Variants in SMAD3 observed in about 807,000 individuals in gnomAD.
The protein encoded by SMAD3 is SMAD family member 3, also known as MAD homolog 3.
Under a neutral mutation model 51.8 loss-of-function variants are expected in SMAD3, and 12 were observed. The observed-to-expected ratio is 0.23, with a 90% CI of 0.15 to 0.38. The LOEUF is 0.38. Among genes scored for constraint, SMAD3 ranks in the 10% least tolerant of loss-of-function variants. The pLI is 1.00. For missense variants in SMAD3, 294 were observed against 565.6 expected, an observed-to-expected ratio of 0.52 and a Z score of 4.87; for synonymous variants, 238 against 227.7, an observed-to-expected ratio of 1.05 and a Z score of -0.41.
intron 1 of SMAD3, 74 bp from the exon 2 acceptor site, chr15:67,164,821 T>A: frequency 6.7e-7 from 1 of 1,487,226 alleles, no homozygotes; most frequent in Non-Finnish European, 9.4e-7. Flanking sequence ...TGTCTGAAAG[T>A]AGGAGGCCGG....
intron 1 of SMAD3, among the ~76,000 whole-genome samples, chr15:67,107,575 G>A (rs115729362): frequency 1.4e-3 from 218 of 152,258 alleles, no homozygotes; most frequent in African/African-American, 4.8e-3. Context: ...GGCTTCCCCC[G>A]GCCCTTCCCG....
intron 8 of SMAD3, among the ~76,000 whole-genome samples, chr15:67,188,148 C>CTTTTT (rs11367565): frequency 1.2e-3 from 137 of 115,716 alleles, no homozygotes; most frequent in East Asian, 4.4e-3. Flanking sequence ...TTTTCTTTTT[C>CTTTTT]TTTTTTTTTT....
At chr15:67,125,316 A>G (rs1407273941) in intron 1 of SMAD3, among the ~76,000 whole-genome samples, 2 of 152,232 alleles carry the variant, frequency 1.3e-5, no homozygotes, top group East Asian at 3.9e-4. Context: ...GTGTGTACGG[A>G]GAGCCTCTTT....
chr15:67,115,882 G>T (rs144472229), intron 1 of SMAD3, among the ~76,000 whole-genome samples: 1 of 152,290 alleles, frequency 6.6e-6, no homozygotes, highest in East Asian at 1.9e-4. Flanking sequence ...GTCTGGGAAG[G>T]TTCCCCCAAG....
intron 1 of SMAD3, among the ~76,000 whole-genome samples, chr15:67,102,876 T>A (rs1367935177): frequency 6.6e-6 from 1 of 152,200 alleles, no homozygotes; most frequent in Non-Finnish European, 1.5e-5. Context: ...CTCTTCAATG[T>A]GCTTTGTCCA....
intron 1 of SMAD3, among the ~76,000 whole-genome samples, chr15:67,131,037 A>T (rs2140252765): frequency 6.6e-6 from 1 of 152,286 alleles, no homozygotes; most frequent in Non-Finnish European, 1.5e-5. Context: ...ATCCCCAAGG[A>T]TTTGGGGAGG....
At chr15:67,129,954 T>C (rs1595917145) in intron 1 of SMAD3, among the ~76,000 whole-genome samples, 1 of 152,182 alleles carries the variant, frequency 6.6e-6, no homozygotes, top group African/African-American at 2.4e-5. Context: ...GTTAGGTCAG[T>C]TGATGTCACC....
chr15:67,128,901 T>C (rs574522240), intron 1 of SMAD3, among the ~76,000 whole-genome samples: 60 of 152,314 alleles, frequency 3.9e-4, no homozygotes, highest in African/African-American at 1.4e-3. Flanking sequence ...GTGTGCACCA[T>C]TAGCACTGTG....
At chr15:67,116,176 T>C (rs1961131287) in intron 1 of SMAD3, among the ~76,000 whole-genome samples, 2 of 152,234 alleles carry the variant, frequency 1.3e-5, no homozygotes, top group Non-Finnish European at 1.5e-5. Context: ...GAGATGGCAG[T>C]GGTTGACACT....
In SMAD3 at chr15:67,107,289, AC is replaced by A. The variant is rs201335275; in HGVS notation, c.206+40931del. 6.6e-3 allele frequency among the ~76,000 whole-genome samples: 999 copies of A among 152,296 alleles called. 5 individuals carry two copies. Among genetic ancestry groups the A allele is most frequent in the Non-Finnish European group, 0.011 (765 of 68,010 alleles). ...CAGTGACTGTGATAGCCCCAAGGAA[AC>A]CAAGAGAGAAGTAGCTTTATCTGGG... is the stretch of plus-strand genomic sequence containing the variant. On this transcript the variant is annotated intron_variant, in intron 1 of 8. Transcript: ENST00000327367.
rs886038567 is a variant in SMAD3 at position 67,170,603 on chromosome 15, G to C, written c.657G>C (p.Leu219Phe). Residue 219 changes from leucine to phenylalanine, a missense_variant and splice_region_variant, in exon 5 of 9, where the codon TTG (leucine) becomes TTC (phenylalanine). Around this residue, in one of 3 missense-constraint regions of SMAD3, gnomAD observed 118 missense variants for 278.0 expected, o/e 0.42. Transcript: ENST00000327367. The part of the protein sequence containing the change: ...PNPMSPAHNN[L>F]DLQPVTYCEP... Reference sequence around the variant, plus strand: ...CGATGTCCCCAGCACATAATAACTTGGGTGAGTATCTCCTTGTGCACACAA... The same window carrying C: ...CGATGTCCCCAGCACATAATAACTTCGGTGAGTATCTCCTTGTGCACACAA... The C allele has an allele frequency of 1.9e-6, 3 of 1,613,504 alleles. No individual in the cohort carries two copies. The highest frequency in any genetic ancestry group is 2.5e-6 in the Non-Finnish European group (3 of 1,179,594).
chr15:67,191,035 G>GGCCCCCCCCC lies in SMAD3; in HGVS notation c.*499_*500insGCCCCCCCCC. 4.5e-6 allele frequency: 1 copy of GGCCCCCCCCC among 224,534 alleles called. No homozygotes were observed. Among genetic ancestry groups the GGCCCCCCCCC allele is most frequent in the East Asian group, 6.5e-5 (1 of 15,484 alleles). The allele number at this position is 224,534 out of a possible 1,614,324, so 13.9% of individuals were successfully genotyped here. A position where few individuals can be genotyped will look rare whatever the true frequency, so the allele number is the denominator to read the frequency against. The stretch of plus-strand genomic sequence containing the variant: ...TCTTCCAGTGAACATTCCCAGCCCA[G>GGCCCCCCCCC]CCCCGCCCCGCCCCGCCCCACCACT... On this transcript the variant is annotated 3_prime_UTR_variant, in exon 9 of 9. Coordinates refer to ENST00000327367, the MANE Select transcript of SMAD3 (RefSeq NM_005902.4).
intron 1 of SMAD3, among the ~76,000 whole-genome samples, chr15:67,082,649 T>C (rs1165158781): frequency 9.2e-5 from 14 of 152,248 alleles, no homozygotes; most frequent in Admixed American, 8.5e-4. Flanking sequence ...CCAAATTATA[T>C]AAAGTTTTGC....
intron 1 of SMAD3, chr15:67,125,941 C>G: frequency 1.0e-6 from 1 of 985,484 alleles, no homozygotes; most frequent in Non-Finnish European, 1.2e-6. Context: ...GGGACAACTG[C>G]ATGGAAACCC....
chr15:67,113,051 C>A (rs1319489752), intron 1 of SMAD3, among the ~76,000 whole-genome samples: 1 of 88,928 alleles, frequency 1.1e-5, no homozygotes, highest in Non-Finnish European at 2.1e-5. Flanking sequence ...TAGTATTAAT[C>A]AACTTTTAAA....
In SMAD3 at chr15:67,165,282, A is replaced by G. The variant is rs1296242753; in HGVS notation, c.430A>G (p.Thr144Ala). The change falls in exon 3 of 9, where the codon ACA becomes GCA. Residue 144 changes from threonine (T) to alanine (A), a missense_variant. Thr to Ala is a moderately conservative substitution (Grantham distance 58). This residue lies in a region of SMAD3 where 147 missense variants were observed against 260.9 expected (regional missense o/e 0.56). Transcript: ENST00000327367. The stretch of plus-strand genomic sequence containing the variant: ...ACCTCCTGTGTTGGTGCCACGCCAC[A>G]CAGAGATCCCGGCCGAGTTCCCCCC... Reference protein sequence around the residue: ...VLPPVLVPRHTEIPAEFPPLD... With the variant: ...VLPPVLVPRHAEIPAEFPPLD... 1 of 1,614,054 alleles carries G rather than the reference A, an allele frequency of 6.2e-7. No individual in the cohort carries two copies. Among genetic ancestry groups the G allele is most frequent in the African/African-American group, 1.3e-5 (1 of 74,922 alleles).
At chr15:67,134,225 A>G (rs1961598231) in intron 1 of SMAD3, among the ~76,000 whole-genome samples, 1 of 151,946 alleles carries the variant, frequency 6.6e-6, no homozygotes, top group African/African-American at 2.4e-5. Flanking sequence ...GTCACCCACC[A>G]CTGCACATTG....
chr15:67,070,437 G>T (rs1165758334), intron 1 of SMAD3, among the ~76,000 whole-genome samples: 1 of 152,062 alleles, frequency 6.6e-6, no homozygotes, highest in Admixed American at 6.6e-5. Context: ...AATGTTTGCA[G>T]ACAGCCCCTC....
chr15:67,083,067 G>A (rs1399657366), intron 1 of SMAD3, among the ~76,000 whole-genome samples: 1 of 152,204 alleles, frequency 6.6e-6, no homozygotes, highest in Non-Finnish European at 1.5e-5. Context: ...GCATGGGCCT[G>A]GAACCAACAG....
Sources: gnomAD v4.1 joint callset for allele counts (sites outside exome capture counted in the v4.1 genomes callset) on GRCh38, gnomAD v4.1.1 for gene constraint, gnomAD v4.1.1 regional missense constraint, MANE v1.5 for transcripts, NCBI Gene and HGNC (gene_info 2026-07-23, HGNC 2026-07-21) for gene names.